OR8J3: variants seen among roughly 807,000 people sequenced by gnomAD.
OR8J3 encodes the protein olfactory receptor 8J3.
For missense variants in OR8J3, 418 were observed against 379.8 expected (o/e 1.10, Z -0.84); for synonymous variants, 170 against 142.6 (o/e 1.19, Z -1.37).
In OR8J3 at chr11:56,137,388, C is replaced by T; in HGVS notation, c.331G>A (p.Glu111Lys). The stretch of plus-strand genomic sequence containing the variant: ...GCCATCACAGCCAGCATCATTACCT[C>T]CGATACAATAAAGAACAAGAACCCT... ...LGGFLFFIVS[E>K]VMMLAVMAYD... is the part of the protein sequence containing the mutation. The change falls in exon 2 of 2, where the codon GAG (glutamate) becomes AAG (lysine). Residue 111 changes from glutamate (E) to lysine (K), a missense_variant. Coordinates refer to ENST00000642058, the MANE Select transcript of OR8J3 (RefSeq NM_001004064.2). 1.2e-6 allele frequency: 2 copies of T among 1,614,104 alleles called. No individual in the cohort carries two copies. The highest frequency in any genetic ancestry group is 1.1e-5 in the South Asian group (1 of 91,066).
chr11:56,137,390 G>T lies in OR8J3; in HGVS notation c.329C>A (p.Ser110Ter). ...CATCACAGCCAGCATCATTACCTCC[G>T]ATACAATAAAGAACAAGAACCCTCC... Reference protein sequence around the residue: ...QLGGFLFFIVSEVMMLAVMAY... With the variant: ...QLGGFLFFIV The change falls in exon 2 of 2, where the codon TCG becomes TAG. Residue 110 changes from serine (S) to a stop codon, truncating the protein, a stop_gained. Transcript: ENST00000642058. LOFTEE classifies it low-confidence loss of function (END_TRUNC). 6.2e-7 allele frequency: 1 copy of T among 1,614,074 alleles called. No homozygotes were observed.
Position 56,137,140 on chromosome 11 carries a change from G to C in OR8J3, c.579C>G (p.Tyr193Ter). 1 of 1,613,070 alleles carries C rather than the reference G, an allele frequency of 6.2e-7. No homozygotes were observed. Among genetic ancestry groups the C allele is most frequent in the Non-Finnish European group, 8.5e-7 (1 of 1,179,476 alleles). The change falls in exon 2 of 2, where the codon TAC becomes TAG. Residue 193 changes from tyrosine (Y) to a stop codon, truncating the protein, a stop_gained. Coordinates refer to ENST00000642058, the MANE Select transcript of OR8J3 (RefSeq NM_001004064.2). LOFTEE classifies it low-confidence loss of function (END_TRUNC). ...PLLALSCSDT[Y>*]IPETIVFISA... ...ATATAAAGACTATTGTTTCTGGTAT[G>C]TAAGTATCAGAGCAAGATAATGCTA...
In OR8J3 at chr11:56,135,672, C is replaced by G. The variant is rs1159013887; in HGVS notation, c.*1099G>C. 6.6e-6 allele frequency: 1 copy of G among 151,934 alleles called. No homozygotes were observed. The highest frequency in any genetic ancestry group is 1.5e-5 in the Non-Finnish European group (1 of 67,866). 9.4% of individuals were successfully genotyped at this position (151,934 alleles called of 1,614,324 possible). A position where few individuals can be genotyped will look rare whatever the true frequency, so the allele number is the denominator to read the frequency against. On this transcript the variant is annotated 3_prime_UTR_variant, in exon 2 of 2. Coordinates refer to ENST00000642058, the MANE Select transcript of OR8J3 (RefSeq NM_001004064.2). ...CTTTGGTCCTTTAGTCCTGAAGGAACTCTTTAACACAAGAACCTACTTACA... is the reference window on the plus strand; with the variant it reads ...CTTTGGTCCTTTAGTCCTGAAGGAAGTCTTTAACACAAGAACCTACTTACA...
At position 56,137,760 on chromosome 11, in the gene OR8J3, T is replaced by C. The variant is rs371942268; in HGVS notation, c.-42A>G. On this transcript the variant is annotated 5_prime_UTR_variant, in exon 2 of 2. Coordinates refer to ENST00000642058, the MANE Select transcript of OR8J3 (RefSeq NM_001004064.2). Reference sequence around the variant, plus strand: ...TCATCTGTTTGAGGAAGAAAATAAGTGGTTATAGACGTTAAGGAATCATTT... The same window carrying C: ...TCATCTGTTTGAGGAAGAAAATAAGCGGTTATAGACGTTAAGGAATCATTT... 3 of 1,504,832 alleles carry C rather than the reference T, an allele frequency of 2.0e-6. No individual in the cohort carries two copies. Among genetic ancestry groups the C allele is most frequent in the African/African-American group, 2.8e-5 (2 of 71,690 alleles). 93.2% of individuals were successfully genotyped at this position (1,504,832 alleles called of 1,614,324 possible).
Position 56,134,841 on chromosome 11 carries a change from G to T in OR8J3, c.*1930C>A, listed in dbSNP as rs1854315161. ...TAGTATAGATGCCCAAACATTTCTG[G>T]CAAATTAATTTCGAAGAAGGATAAT... On this transcript the variant is annotated 3_prime_UTR_variant, in exon 2 of 2. Coordinates refer to ENST00000642058, the MANE Select transcript of OR8J3 (RefSeq NM_001004064.2). The T allele has an allele frequency of 1.3e-5, 2 of 152,042 alleles. No individual in the cohort carries two copies. Among genetic ancestry groups the T allele is most frequent in the South Asian group, 4.1e-4 (2 of 4,820 alleles). The allele number at this position is 152,042 out of a possible 1,614,324, so 9.4% of individuals were successfully genotyped here. A position where few individuals can be genotyped will look rare whatever the true frequency, so the allele number is the denominator to read the frequency against.
At chr11:56,139,106 TA>T (rs1430771890) in intron 1 of OR8J3, among the ~76,000 whole-genome samples, 1 of 152,150 alleles carries the variant, frequency 6.6e-6, no homozygotes, top group East Asian at 1.9e-4. Context: ...TGCCCCTAAC[TA>T]AGTGAATTCA....
In OR8J3 at chr11:56,136,022, A is replaced by C. The variant is rs1382310289; in HGVS notation, c.*749T>G. ...AAACTCCCATGAACAAGTTTTTTTA[A>C]AGTTTATTAATATACAAAAATAGAA... On this transcript the variant is annotated 3_prime_UTR_variant, in exon 2 of 2. Transcript: ENST00000642058. 1 of 152,034 alleles carries C rather than the reference A, an allele frequency of 6.6e-6. No individual in the cohort carries two copies. The highest frequency in any genetic ancestry group is 1.9e-4 in the East Asian group (1 of 5,194). The allele number at this position is 152,034 out of a possible 1,614,324, so 9.4% of individuals were successfully genotyped here. A position where few individuals can be genotyped will look rare whatever the true frequency, so the allele number is the denominator to read the frequency against.
Position 56,137,573 on chromosome 11 carries a change from G to T in OR8J3, c.146C>A (p.Thr49Asn). The change falls in exon 2 of 2, where the codon ACC (threonine) becomes AAC (asparagine). Residue 49 changes from threonine to asparagine, a missense_variant. Thr to Asn is a moderately conservative substitution (Grantham distance 65). Coordinates refer to ENST00000642058, the MANE Select transcript of OR8J3 (RefSeq NM_001004064.2). ...MAGNLGIITL[T>N]SVDSRLQNPM... ...GTTTTGAAGTCGAGAGTCAACACTG[G>T]TGAGGGTGATGATGCCCAGGTTCCC... 2 of 1,614,212 alleles carry T rather than the reference G, an allele frequency of 1.2e-6. No homozygotes were observed. The highest frequency in any genetic ancestry group is 1.7e-6 in the Non-Finnish European group (2 of 1,180,038).
At position 56,136,902 on chromosome 11, in the gene OR8J3, T is replaced by C; in HGVS notation, c.817A>G (p.Met273Val). ...ACCAATGTGTAAAACACAGAAGCCA[T>C]CTTATCAGTATCCAGTGAGTGGTTG... ...QTNHSLDTDK[M>V]ASVFYTLVIP... The change falls in exon 2 of 2, where the codon ATG (methionine) becomes GTG (valine). Residue 273 changes from methionine (M) to valine (V), a missense_variant. Coordinates refer to ENST00000642058, the MANE Select transcript of OR8J3 (RefSeq NM_001004064.2). 1.9e-6 allele frequency: 3 copies of C among 1,614,098 alleles called. No individual in the cohort carries two copies. Among genetic ancestry groups the C allele is most frequent in the Non-Finnish European group, 2.5e-6 (3 of 1,179,956 alleles).
Position 56,137,390 on chromosome 11 carries a change from G to C in OR8J3, c.329C>G (p.Ser110Trp). 6.2e-7 allele frequency: 1 copy of C among 1,614,074 alleles called. No homozygotes were observed. The highest frequency in any genetic ancestry group is 8.5e-7 in the Non-Finnish European group (1 of 1,180,000). The part of the protein sequence containing the change: ...QLGGFLFFIV[S>W]EVMMLAVMAY... ...CATCACAGCCAGCATCATTACCTCCGATACAATAAAGAACAAGAACCCTCC... is the reference window on the plus strand; with the variant it reads ...CATCACAGCCAGCATCATTACCTCCCATACAATAAAGAACAAGAACCCTCC... Residue 110 changes from serine (S) to tryptophan (W), a missense_variant, in exon 2 of 2, where the codon TCG becomes TGG. Ser to Trp is a radical substitution (Grantham distance 177, BLOSUM62 -3). Transcript: ENST00000642058.
At position 56,135,043 on chromosome 11, in the gene OR8J3, A is replaced by G. The variant is rs1315597935; in HGVS notation, c.*1728T>C. 5 of 152,012 alleles carry G rather than the reference A, an allele frequency of 3.3e-5. No individual in the cohort carries two copies. Among genetic ancestry groups the G allele is most frequent in the Non-Finnish European group, 7.4e-5 (5 of 67,874 alleles). The allele number at this position is 152,012 out of a possible 1,614,324, so 9.4% of individuals were successfully genotyped here. Reference sequence around the variant, plus strand: ...CGACATCAATATATATAGATCTGGTAAAATTCATTATATTTCATTTGTCAT... The same window carrying G: ...CGACATCAATATATATAGATCTGGTGAAATTCATTATATTTCATTTGTCAT... On this transcript the variant is annotated 3_prime_UTR_variant, in exon 2 of 2. Transcript: ENST00000642058.
rs376757102 is a variant in OR8J3, at chr11:56,137,326, G to C, written c.393C>G (p.Leu131=). The change falls in exon 2 of 2, where the codon CTC becomes CTG. Residue 131 remains leucine, a synonymous_variant. Transcript: ENST00000642058. ...GCCGCCGAGACACCACCACCATGTA[G>C]AGCAGAGGGTTACAAATGGCCACAT... ...DRYVAICNPL[L]YMVVVSRRLC... 39 of 1,613,942 alleles carry C rather than the reference G, an allele frequency of 2.4e-5. No homozygotes were observed. The highest frequency in any genetic ancestry group is 1.3e-4 in the East Asian group (6 of 44,874).
Position 56,134,794 on chromosome 11 carries a change from A to C in OR8J3, c.*1977T>G, listed in dbSNP as rs1432476780. On this transcript the variant is annotated 3_prime_UTR_variant, in exon 2 of 2. Coordinates refer to ENST00000642058, the MANE Select transcript of OR8J3 (RefSeq NM_001004064.2). ...ATCAAAATAAAGTCATATTTTCTGG[A>C]ATACTCTTCACAATACCAGGCTAGT... 6.6e-6 allele frequency: 1 copy of C among 152,050 alleles called. No individual in the cohort carries two copies. Among genetic ancestry groups the C allele is most frequent in the Non-Finnish European group, 1.5e-5 (1 of 67,922 alleles). The allele number at this position is 152,050 out of a possible 1,614,324, so 9.4% of individuals were successfully genotyped here.
rs984089198 is a variant in OR8J3 at position 56,135,225 on chromosome 11, G to C, written c.*1546C>G. On this transcript the variant is annotated 3_prime_UTR_variant, in exon 2 of 2. Coordinates refer to ENST00000642058, the MANE Select transcript of OR8J3 (RefSeq NM_001004064.2). ...ATATTATTCCATTGTTCAATAGAAG[G>C]CCTAACTAGAAAACGTATTCAGTGG... 3.7e-4 allele frequency: 56 copies of C among 151,740 alleles called. No individual in the cohort carries two copies. Among genetic ancestry groups the C allele is most frequent in the African/African-American group, 1.3e-3 (54 of 41,342 alleles). The allele number at this position is 151,740 out of a possible 1,614,324, so 9.4% of individuals were successfully genotyped here.
chr11:56,139,296 G>C (rs1854367117), intron 1 of OR8J3, among the ~76,000 whole-genome samples: 1 of 151,864 alleles, frequency 6.6e-6, no homozygotes, highest in South Asian at 2.1e-4. Flanking sequence ...TTCTAAAAGA[G>C]ATAGAATAGA....
Position 56,137,435 on chromosome 11 carries a change from T to C in OR8J3, c.284A>G (p.Tyr95Cys). ...FLVKKKTTSF[Y>C]ECATQLGGFL... Reference sequence around the variant, plus strand: ...CCCTCCCAGTTGGGTGGCACATTCATAGAATGAGGTAGTTTTCTTCTTTAC... The same window carrying C: ...CCCTCCCAGTTGGGTGGCACATTCACAGAATGAGGTAGTTTTCTTCTTTAC... The change falls in exon 2 of 2, where the codon TAT becomes TGT. Residue 95 changes from tyrosine to cysteine, a missense_variant. Tyr to Cys is a radical substitution (Grantham distance 194). Coordinates refer to ENST00000642058, the MANE Select transcript of OR8J3 (RefSeq NM_001004064.2). 1.9e-6 allele frequency: 3 copies of C among 1,614,214 alleles called. No homozygotes were observed. Among genetic ancestry groups the C allele is most frequent in the Non-Finnish European group, 2.5e-6 (3 of 1,180,048 alleles).
Position 56,136,980 on chromosome 11 carries a change from C to G in OR8J3, c.739G>C (p.Ala247Pro), listed in dbSNP as rs746620661. The stretch of plus-strand genomic sequence containing the variant: ...ATTGTCCCATAGAAAACCGTGACTG[C>G]TATCATATGCGAAGCGCAGGTGGAA... ...AFSTCASHMI[A>P]VTVFYGTMLF... is the part of the protein sequence containing the mutation. Residue 247 changes from alanine to proline, a missense_variant, in exon 2 of 2, where the codon GCA (alanine) becomes CCA (proline). Physicochemically the swap from Ala to Pro is conservative, Grantham distance 27 (BLOSUM62 -1). Coordinates refer to ENST00000642058, the MANE Select transcript of OR8J3 (RefSeq NM_001004064.2). 1 of 1,613,498 alleles carries G rather than the reference C, an allele frequency of 6.2e-7. No homozygotes were observed. The highest frequency in any genetic ancestry group is 8.5e-7 in the Non-Finnish European group (1 of 1,179,840).
In OR8J3 at chr11:56,136,792, A is replaced by T; in HGVS notation, c.927T>A (p.Cys309Ter). The T allele has an allele frequency of 6.3e-7, 1 of 1,583,478 alleles. No individual in the cohort carries two copies. Among genetic ancestry groups the T allele is most frequent in the Non-Finnish European group, 8.6e-7 (1 of 1,161,708 alleles). ...AAAATTACATTGATTTAAAGGAGTA[A>T]CATGGATTTTCCATGAATTTCTTTA... ...VALKKFMENPCYSFKSM is the reference protein window; with the variant it reads ...VALKKFMENP Residue 309 changes from cysteine (C) to a stop codon, truncating the protein, a stop_gained, in exon 2 of 2, where the codon TGT (cysteine) becomes TGA (stop). Transcript: ENST00000642058. LOFTEE classifies it low-confidence loss of function (END_TRUNC).
chr11:56,137,914 A>C lies in OR8J3; in HGVS notation c.-196T>G. ...TCAGCTTTGCAATCACTTGGGAGAG[A>C]GTAAAGCAAGTATGGTAAATTTAGT... On this transcript the variant is annotated 5_prime_UTR_variant, in exon 2 of 2. Coordinates refer to ENST00000642058, the MANE Select transcript of OR8J3 (RefSeq NM_001004064.2). 1.8e-6 allele frequency: 1 copy of C among 551,604 alleles called. No homozygotes were observed. The highest frequency in any genetic ancestry group is 3.2e-6 in the Non-Finnish European group (1 of 317,418). The allele number at this position is 551,604 out of a possible 1,614,324, so 34.2% of individuals were successfully genotyped here. A position where few individuals can be genotyped will look rare whatever the true frequency, so the allele number is the denominator to read the frequency against.
Sources: allele counts gnomAD v4.1 joint callset (sites outside exome capture counted in the v4.1 genomes callset), GRCh38; gene constraint gnomAD v4.1.1; transcripts MANE v1.5; gene names NCBI Gene and HGNC (gene_info 2026-07-23, HGNC 2026-07-21).